CHST13: variants seen among roughly 807,000 people sequenced by gnomAD.
CHST13 encodes carbohydrate sulfotransferase 13.
A neutral mutation model predicts 7.0 loss-of-function variants in CHST13; 1 was observed. The observed-to-expected ratio is 0.14, with a 90% CI of 0.05 to 0.68. The LOEUF (loss-of-function observed/expected upper bound fraction) is 0.68, where lower values mean the gene tolerates loss of function less well. Ranked by LOEUF, CHST13 falls within the 30% of genes least tolerant of loss-of-function variation. The pLI is 0.82. For synonymous variants in CHST13, 257 were observed against 240.9 expected (o/e 1.07, Z -0.62); for missense variants, 572 against 507.9 (o/e 1.13, Z -1.21).
rs1560140491 is a variant in CHST13 at position 126,536,366 on chromosome 3, AC to A, written c.180+16del. The A allele has an allele frequency of 1.2e-6, 2 of 1,606,434 alleles. No individual in the cohort carries two copies. Among genetic ancestry groups the A allele is most frequent in the East Asian group, 4.5e-5 (2 of 44,782 alleles). On this transcript the variant is annotated intron_variant, in intron 2 of 2. Coordinates refer to ENST00000319340, the MANE Select transcript of CHST13 (RefSeq NM_152889.3). ...TGACCTGGATCAGGTAGGTGGACAG[AC>A]CCTCGACCCAGGCATGCCCCCCTCC...
At chr3:126,540,029 G>A (rs957297256) in intron 2 of CHST13, among the ~76,000 whole-genome samples, 9 of 123,696 alleles carry the variant, frequency 7.3e-5, no homozygotes, top group East Asian at 4.9e-4. Context: ...CCACACACAC[G>A]CACACCACAC....
At chr3:126,533,553 T>C (rs1350586212) in intron 1 of CHST13, among the ~76,000 whole-genome samples, 1 of 152,250 alleles carries the variant, frequency 6.6e-6, no homozygotes, top group Non-Finnish European at 1.5e-5. Context: ...TTAGCCAATC[T>C]TGCATTCCTG....
At chr3:126,529,487 T>C in intron 1 of CHST13, 1 of 945,360 alleles carries the variant, frequency 1.1e-6, no homozygotes, top group South Asian at 1.6e-5. Flanking sequence ...CAAATTCTGT[T>C]TCTGGCACAG....
rs755955147 is a variant in CHST13, at chr3:126,542,436, G to A, written c.884G>A (p.Arg295Gln). The A allele has an allele frequency of 2.0e-5, 31 of 1,557,592 alleles. No individual in the cohort carries two copies. The East Asian group carries it at 6.0e-4, about 30-fold the overall frequency. Reference protein sequence around the residue: ...DLSFPGPPRPRGAAASRDLAA... With the variant: ...DLSFPGPPRPQGAAASRDLAA... ...AGCTTCCCTGGGCCGCCGCGGCCCC[G>A]GGGAGCCGCCGCCTCCCGCGACCTG... is the stretch of plus-strand genomic sequence containing the variant. Residue 295 changes from arginine to glutamine, a missense_variant, in exon 3 of 3, where the codon CGG (arginine) becomes CAG (glutamine). By Grantham distance (43) the Arg-to-Gln change is conservative. Transcript: ENST00000319340.
Position 126,539,625 on chromosome 3 carries a change from ACACACACACCCCACACAC to A in CHST13, c.181-2091_181-2074del, listed in dbSNP as rs796124081. On this transcript the variant is annotated intron_variant, in intron 2 of 2. Coordinates refer to ENST00000319340, the MANE Select transcript of CHST13 (RefSeq NM_152889.3). ...ACACACTCCACACCACACACACAGC[ACACACACACCCCACACAC>A]CACACACACCCCACACTATACACAC... 1.6e-4 allele frequency among the ~76,000 whole-genome samples: 21 copies of A among 133,534 alleles called. No homozygotes were observed. In the South Asian group the frequency reaches 3.8e-3, roughly 24 times the overall value. The allele number at this position is 133,534 out of a possible 152,430, so 87.6% of individuals were successfully genotyped here.
intron 1 of CHST13, among the ~76,000 whole-genome samples, chr3:126,530,179 G>A (rs1014989647): frequency 9.9e-5 from 15 of 152,230 alleles, no homozygotes; most frequent in African/African-American, 3.4e-4. Context: ...CAGGCTCCTC[G>A]GGGCAGGGTG....
Position 126,541,876 on chromosome 3 carries a change from C to G in CHST13, c.324C>G (p.Leu108=), listed in dbSNP as rs755784570. 18 of 1,599,132 alleles carry G rather than the reference C, an allele frequency of 1.1e-5. No homozygotes were observed. The South Asian group carries it at 1.9e-4, about 17-fold the overall frequency. The change falls in exon 3 of 3, where the codon CTC becomes CTG. Residue 108 remains leucine, a synonymous_variant. Coordinates refer to ENST00000319340, the MANE Select transcript of CHST13 (RefSeq NM_152889.3). ...TGGTGGACGACGCGCATGGCCTGCT[C>G]TACTGCTACGTGCCCAAGGTGGCCT... ...HVLVDDAHGL[L]YCYVPKVACT...
intron 1 of CHST13, among the ~76,000 whole-genome samples, chr3:126,534,918 T>C (rs1576751335): frequency 8.5e-6 from 1 of 117,044 alleles, no homozygotes; most frequent in Non-Finnish European, 1.7e-5. Flanking sequence ...AGCATCCCTG[T>C]CCCCAGCCGG....
chr3:126,539,557 C>T (rs1421863537), intron 2 of CHST13, among the ~76,000 whole-genome samples: 1 of 133,576 alleles, frequency 7.5e-6, no homozygotes. Flanking sequence ...CGCACACACA[C>T]TGCACACACA....
At chr3:126,525,781 G>A (rs1162041861) in intron 1 of CHST13, among the ~76,000 whole-genome samples, 1 of 152,170 alleles carries the variant, frequency 6.6e-6, no homozygotes, top group Non-Finnish European at 1.5e-5. Context: ...ACATCTTTGA[G>A]TGACTGCATG....
At chr3:126,539,451 CCACAAA>C (rs1936874917) in intron 2 of CHST13, among the ~76,000 whole-genome samples, 1 of 151,568 alleles carries the variant, frequency 6.6e-6, no homozygotes, top group Non-Finnish European at 1.5e-5. Context: ...ACACACACAA[CCACAAA>C]CACACCACAC....
chr3:126,529,216 G>C (rs1318909148), intron 1 of CHST13: 2 of 875,432 alleles, frequency 2.3e-6, no homozygotes, highest in Non-Finnish European at 3.3e-6. Context: ...TTCTAGTGTG[G>C]TGTTTCACCC....
chr3:126,542,462 G>C lies in CHST13; in HGVS notation c.910G>C (p.Ala304Pro), dbSNP rs1274150351. The change falls in exon 3 of 3, where the codon GCA (alanine) becomes CCA (proline). Residue 304 changes from alanine to proline, a missense_variant. Physicochemically the swap from Ala to Pro is conservative, Grantham distance 27. Coordinates refer to ENST00000319340, the MANE Select transcript of CHST13 (RefSeq NM_152889.3). Reference sequence around the variant, plus strand: ...GGGAGCCGCCGCCTCCCGCGACCTGGCAGCGCGCCTCTTCCGGGACATCAG... The same window carrying C: ...GGGAGCCGCCGCCTCCCGCGACCTGCCAGCGCGCCTCTTCCGGGACATCAG... ...PRGAAASRDL[A>P]ARLFRDISPF... The C allele has an allele frequency of 1.3e-6, 2 of 1,573,728 alleles. No homozygotes were observed. The highest frequency in any genetic ancestry group is 1.7e-6 in the Non-Finnish European group (2 of 1,162,816).
chr3:126,530,336 G>A (rs1936629643), intron 1 of CHST13, among the ~76,000 whole-genome samples: 1 of 152,276 alleles, frequency 6.6e-6, no homozygotes, highest in Non-Finnish European at 1.5e-5. Context: ...CCAGCAGGCT[G>A]TGGTCTGGCC....
At chr3:126,529,413 G>T (rs1057042815) in intron 1 of CHST13, 28 of 1,287,614 alleles carry the variant, frequency 2.2e-5, no homozygotes, top group Non-Finnish European at 2.4e-5. Context: ...AGGACAAGGG[G>T]GCACCCAGAG....
At chr3:126,535,407 C>T (rs1475976198) in intron 1 of CHST13, among the ~76,000 whole-genome samples, 1 of 148,856 alleles carries the variant, frequency 6.7e-6, no homozygotes, top group South Asian at 2.1e-4. Flanking sequence ...GACAGCATCC[C>T]TGTCCTCAAC....
chr3:126,537,035 C>A (rs2363032), intron 2 of CHST13, among the ~76,000 whole-genome samples: 5 of 152,012 alleles, frequency 3.3e-5, no homozygotes, highest in Non-Finnish European at 7.4e-5. Context: ...GGTCCCTCCC[C>A]TAGTGGAGCC....
Position 126,542,110 on chromosome 3 carries a change from C to T in CHST13, c.558C>T (p.Asn186=), listed in dbSNP as rs1253242550. The part of the protein sequence containing the change: ...PFERLASAYR[N]KLARPYSAAF... ...AGCGCCTGGCATCGGCTTACCGCAACAAGCTCGCGCGCCCCTACAGCGCCG... is the reference window on the plus strand; with the variant it reads ...AGCGCCTGGCATCGGCTTACCGCAATAAGCTCGCGCGCCCCTACAGCGCCG... The change falls in exon 3 of 3, where the codon AAC becomes AAT. Residue 186 remains asparagine, a synonymous_variant. Transcript: ENST00000319340. 7 of 1,580,078 alleles carry T rather than the reference C, an allele frequency of 4.4e-6. No homozygotes were observed. Among genetic ancestry groups the T allele is most frequent in the Admixed American group, 1.7e-5 (1 of 58,268 alleles).
At chr3:126,532,816 T>G (rs1238918634) in intron 1 of CHST13, among the ~76,000 whole-genome samples, 2 of 152,226 alleles carry the variant, frequency 1.3e-5, no homozygotes, top group Admixed American at 1.3e-4. Context: ...CAGCTGGGAT[T>G]TTGACAGGAA....
Sources: gnomAD v4.1 joint callset for allele counts (sites outside exome capture counted in the v4.1 genomes callset) on GRCh38, gnomAD v4.1.1 for gene constraint, MANE v1.5 for transcripts, NCBI Gene and HGNC (gene_info 2026-07-23, HGNC 2026-07-21) for gene names.